Variants in BBX observed in about 807,000 individuals in gnomAD.
BBX encodes the protein BBX high mobility group box domain containing.
BBX carries 30 observed loss-of-function variants against 100.2 expected under a neutral mutation model. That is an observed-to-expected ratio of 0.30 (90% confidence interval 0.22 to 0.41). BBX has a LOEUF of 0.41. Ranked by LOEUF, BBX falls within the 10% of genes least tolerant of loss-of-function variation. The pLI, the probability that BBX is intolerant of heterozygous loss-of-function variation, is 1.00. For missense variants in BBX, 1,023 were observed against 1,129.8 expected, an observed-to-expected ratio of 0.91 and a Z score of 1.35; for synonymous variants, 376 against 388.1, an observed-to-expected ratio of 0.97 and a Z score of 0.37.
intron 12 of BBX, among the ~76,000 whole-genome samples, chr3:107,777,900 A>G (rs1406847293): frequency 6.6e-6 from 1 of 152,142 alleles, no homozygotes; most frequent in Non-Finnish European, 1.5e-5. Flanking sequence ...AATATATCAT[A>G]TGGTAATTTA....
chr3:107,737,896 T>TG (rs1358054401), intron 7 of BBX, among the ~76,000 whole-genome samples: 3 of 136,232 alleles, frequency 2.2e-5, no homozygotes, highest in South Asian at 2.4e-4. Context: ...TTTTTTTTTT[T>TG]TTTTTTTTTT....
At chr3:107,589,223 T>C (rs531188464) in intron 2 of BBX, among the ~76,000 whole-genome samples, 142 of 152,344 alleles carry the variant, frequency 9.3e-4, no homozygotes, top group African/African-American at 3.3e-3. Flanking sequence ...AGTGAGTAAG[T>C]ATCTTTTGAA....
At chr3:107,552,281 C>G (rs1215836483) in intron 2 of BBX, among the ~76,000 whole-genome samples, 2 of 143,606 alleles carry the variant, frequency 1.4e-5, no homozygotes, top group Non-Finnish European at 3.0e-5. Context: ...GAGGTCAAGG[C>G]TGCAGTGAGC....
chr3:107,772,662 A>G lies in BBX; in HGVS notation c.941A>G (p.Glu314Gly). 6.3e-7 allele frequency: 1 copy of G among 1,596,610 alleles called. No individual in the cohort carries two copies. The highest frequency in any genetic ancestry group is 8.5e-7 in the Non-Finnish European group (1 of 1,175,778). Residue 314 changes from glutamate to glycine, a missense_variant, in exon 11 of 18, where the codon GAA becomes GGA. Glu to Gly is a moderately conservative substitution (Grantham distance 98). Around this residue, in one of 9 missense-constraint regions of BBX, gnomAD observed 348 missense variants for 353.2 expected, o/e 0.99. Transcript: ENST00000325805. ...CLASEGMKME[E>G]SKLIKAKESD... ...GCATCAGAAGGGATGAAAATGGAAG[A>G]ATCAAAGCTAATAAAAGCAAAAGAA...
intron 3 of BBX, among the ~76,000 whole-genome samples, chr3:107,656,472 G>C (rs1487349472): frequency 6.6e-6 from 1 of 152,056 alleles, no homozygotes; most frequent in Admixed American, 6.6e-5. Flanking sequence ...TCCTTGTTGA[G>C]TATGTAAACA....
In BBX at chr3:107,806,058, C is replaced by G. The variant is rs966910225; in HGVS notation, c.*601C>G. ...CCATTGTTAGTGGTGTATGCTCGGC[C>G]TCGTGGTCCATATATTCTGCACTTT... On this transcript the variant is annotated 3_prime_UTR_variant, in exon 18 of 18. Transcript: ENST00000325805. 5 of 151,334 alleles carry G rather than the reference C, an allele frequency of 3.3e-5. No homozygotes were observed. Among genetic ancestry groups the G allele is most frequent in the African/African-American group, 1.2e-4 (5 of 41,174 alleles). The allele number at this position is 151,334 out of a possible 1,614,324, so 9.4% of individuals were successfully genotyped here. A position where few individuals can be genotyped will look rare whatever the true frequency, so the allele number is the denominator to read the frequency against.
chr3:107,587,142 T>G (rs2052913805), intron 2 of BBX, among the ~76,000 whole-genome samples: 1 of 152,112 alleles, frequency 6.6e-6, no homozygotes, highest in African/African-American at 2.4e-5. Context: ...TTTTAAAAAT[T>G]AAGCTAATAT....
chr3:107,636,633 G>A (rs752329364), intron 2 of BBX, among the ~76,000 whole-genome samples: 17 of 152,272 alleles, frequency 1.1e-4, no homozygotes, highest in African/African-American at 2.4e-4. Context: ...TGGTGCCCCC[G>A]GAGTTGTATA....
At chr3:107,598,164 A>G (rs1352936561) in intron 2 of BBX, among the ~76,000 whole-genome samples, 1 of 152,160 alleles carries the variant, frequency 6.6e-6, no homozygotes, top group South Asian at 2.1e-4. Flanking sequence ...GTATTTTGGC[A>G]TCTTAATTTT....
chr3:107,682,740 A>G (rs2059633137), intron 3 of BBX, among the ~76,000 whole-genome samples: 1 of 152,180 alleles, frequency 6.6e-6, no homozygotes. Flanking sequence ...AAGATGTCCC[A>G]CAGTAATTGA....
chr3:107,746,551 A>G lies in BBX; in HGVS notation c.751-1414A>G, dbSNP rs373379190. 3.3e-5 allele frequency among the ~76,000 whole-genome samples: 5 copies of G among 152,196 alleles called. No homozygotes were observed. In the East Asian group the frequency reaches 5.8e-4, roughly 18 times the overall value. ...AAATCCTTATCAGATTAAAAAGCACAGTAGAATGAAATTTTCCTGATGGCT... is the reference window on the plus strand; with the variant it reads ...AAATCCTTATCAGATTAAAAAGCACGGTAGAATGAAATTTTCCTGATGGCT... On this transcript the variant is annotated intron_variant, in intron 8 of 17. Coordinates refer to ENST00000325805, the MANE Select transcript of BBX (RefSeq NM_001142568.3).
At chr3:107,711,760 A>T (rs1036019099) in intron 4 of BBX, among the ~76,000 whole-genome samples, 5 of 152,102 alleles carry the variant, frequency 3.3e-5, no homozygotes, top group African/African-American at 1.2e-4. Context: ...TTTTTTAAAC[A>T]CATTTGCATG....
At chr3:107,578,421 A>T (rs1002007263) in intron 2 of BBX, among the ~76,000 whole-genome samples, 3 of 83,468 alleles carry the variant, frequency 3.6e-5, no homozygotes, top group Non-Finnish European at 1.1e-4. Context: ...ACTGAAAGAT[A>T]GAGTGAGGTT....
chr3:107,708,430 C>A (rs760287123), intron 3 of BBX, among the ~76,000 whole-genome samples: 3 of 152,078 alleles, frequency 2.0e-5, no homozygotes, highest in Non-Finnish European at 4.4e-5. Flanking sequence ...AATCCCAGCA[C>A]TTTGGGAGGC....
chr3:107,566,175 CAAAAAAAAA>C (rs754905445), intron 2 of BBX, among the ~76,000 whole-genome samples: 2 of 53,060 alleles, frequency 3.8e-5, no homozygotes, highest in African/African-American at 7.1e-5. Flanking sequence ...AACTCTGTCT[CAAAAAAAAA>C]AAAAAAAAAA....
chr3:107,653,828 T>C (rs1315323401), intron 3 of BBX, among the ~76,000 whole-genome samples: 1 of 152,188 alleles, frequency 6.6e-6, no homozygotes, highest in African/African-American at 2.4e-5. Context: ...AGCAACCTAC[T>C]GTTTATGTGG....
intron 3 of BBX, 90 bp downstream of exon 3, chr3:107,645,999 A>T (rs897672389): frequency 6.6e-6 from 1 of 152,640 alleles, no homozygotes. Context: ...TGGTCTCAGC[A>T]TGATCAAGGA....
At chr3:107,659,655 T>C in intron 3 of BBX, 1 of 1,074,188 alleles carries the variant, frequency 9.3e-7, no homozygotes, top group Non-Finnish European at 1.2e-6. Context: ...AAACTCAGGC[T>C]GTCTGGCTGC....
chr3:107,697,860 G>A lies in BBX; in HGVS notation c.-9-12592G>A, dbSNP rs916723847. Among the ~76,000 whole-genome samples, 6 of 151,904 alleles carry A rather than the reference G, an allele frequency of 3.9e-5. 1 individual carries two copies. The highest frequency in any genetic ancestry group is 2.1e-4 in the South Asian group (1 of 4,830). On this transcript the variant is annotated intron_variant, in intron 3 of 17. Transcript: ENST00000325805. ...TAGCAATCAGGGAGACTCCGTGGGC[G>A]TACGACCCTCCGAGCCAGGTGTGGG... is the stretch of plus-strand genomic sequence containing the variant.
Sources: allele counts gnomAD v4.1 joint callset (sites outside exome capture counted in the v4.1 genomes callset), GRCh38; gene constraint gnomAD v4.1.1; regional missense constraint gnomAD v4.1.1; transcripts MANE v1.5; gene names NCBI Gene and HGNC (gene_info 2026-07-23, HGNC 2026-07-21).